Variants in BRIP1 observed in about 807,000 individuals in gnomAD.
BRIP1 encodes the protein Fanconi anemia group J protein.
BRIP1 carries 88 observed loss-of-function variants against 119.7 expected under a neutral mutation model. That is an observed-to-expected ratio of 0.74 (90% CI 0.62 to 0.88). The LOEUF (loss-of-function observed/expected upper bound fraction) is 0.88, where lower values mean the gene tolerates loss of function less well. Among genes scored for constraint, BRIP1 ranks in the 40% least tolerant of loss-of-function variants. The probability of loss-of-function intolerance (pLI) is 0.00; values close to 1 mark genes in which losing one functional copy is unlikely to be tolerated. For synonymous variants in BRIP1, 443 were observed against 496.5 expected (o/e 0.89, Z 1.43); for missense variants, 1,259 against 1,455.4 (o/e 0.87, Z 2.20).
intron 16 of BRIP1, among the ~76,000 whole-genome samples, chr17:61,728,524 T>A (rs1451237337): frequency 6.6e-6 from 1 of 152,154 alleles, no homozygotes; most frequent in Non-Finnish European, 1.5e-5. Flanking sequence ...CAAACCAACG[T>A]ATCCACAGAG....
rs2076895279 is a variant in BRIP1 at position 61,734,739 on chromosome 17, T to A, written c.2379+8274A>T. Among the ~76,000 whole-genome samples the A allele has an allele frequency of 6.6e-6, 1 of 152,230 alleles. No homozygotes were observed. The highest frequency in any genetic ancestry group is 2.4e-5 in the African/African-American group (1 of 41,466). Reference sequence around the variant, plus strand: ...TTCTTCTCAAAAAGCCAAACCCTGCTATTGAGACTGCAAAGTCTTATGTTA... The same window carrying A: ...TTCTTCTCAAAAAGCCAAACCCTGCAATTGAGACTGCAAAGTCTTATGTTA... On this transcript the variant is annotated intron_variant, in intron 16 of 19. Transcript: ENST00000259008. This position sits in a 1 kb window ranked among gnomAD's most constrained non-coding sequence, Gnocchi z 5.2.
chr17:61,683,144 CA>C lies in BRIP1; in HGVS notation c.*151del. ...AGACTCTGTCTCAAAAAAAAAAACC[CA>C]AAAACTCAAGAATAATAACATTTAC... On this transcript the variant is annotated 3_prime_UTR_variant, in exon 20 of 20. Transcript: ENST00000259008. The surrounding 1 kb of genome is among the most constrained non-coding windows in gnomAD (Gnocchi z 4.7). The C allele has an allele frequency of 3.9e-6, 4 of 1,028,184 alleles. No homozygotes were observed. Among genetic ancestry groups the C allele is most frequent in the East Asian group, 2.6e-5 (1 of 38,136 alleles). 63.7% of individuals were successfully genotyped at this position (1,028,184 alleles called of 1,614,324 possible). A position where few individuals can be genotyped will look rare whatever the true frequency, so the allele number is the denominator to read the frequency against.
In BRIP1 at chr17:61,681,996, G is replaced by A. The variant is rs1373252824; in HGVS notation, c.*1300C>T. On this transcript the variant is annotated 3_prime_UTR_variant, in exon 20 of 20. Transcript: ENST00000259008. This position sits in a 1 kb window ranked among gnomAD's most constrained non-coding sequence, Gnocchi z 5.1. ...GTGAATAACAGATGTTTCTTAAAAA[G>A]AGATCAATGAATGTATTTTTGGAAT... is the stretch of plus-strand genomic sequence containing the variant. 1.0e-5 allele frequency: 2 copies of A among 200,920 alleles called. No homozygotes were observed. The highest frequency in any genetic ancestry group is 1.6e-4 in the East Asian group (2 of 12,862). 12.4% of individuals were successfully genotyped at this position (200,920 alleles called of 1,614,324 possible).
rs1555607022 is a variant in BRIP1, at chr17:61,799,099, C to T, written c.1340+1G>A. ...ATACACTAATAGACAAATCTTCTTACTTAATGAGGCTACAGCACACAGCTC... is the reference window on the plus strand; with the variant it reads ...ATACACTAATAGACAAATCTTCTTATTTAATGAGGCTACAGCACACAGCTC... On this transcript the variant is annotated splice_donor_variant, in intron 9 of 19. Transcript: ENST00000259008. LOFTEE classifies it high-confidence loss of function. This position sits in a 1 kb window ranked among gnomAD's most constrained non-coding sequence, Gnocchi z 5.1. 6.2e-7 allele frequency: 1 copy of T among 1,610,812 alleles called. No individual in the cohort carries two copies. Among genetic ancestry groups the T allele is most frequent in the Non-Finnish European group, 8.5e-7 (1 of 1,177,118 alleles).
intron 17 of BRIP1, among the ~76,000 whole-genome samples, chr17:61,715,135 G>A (rs2061840210): frequency 6.6e-6 from 1 of 151,494 alleles, no homozygotes; most frequent in African/African-American, 2.4e-5. Flanking sequence ...GGGCGGTGGA[G>A]GATGCAGTGA....
chr17:61,718,919 T>C (rs2061926016), intron 16 of BRIP1, among the ~76,000 whole-genome samples: 2 of 152,232 alleles, frequency 1.3e-5, no homozygotes, highest in Non-Finnish European at 2.9e-5. Flanking sequence ...TGGATTACTT[T>C]AATAGCTAAT....
At chr17:61,782,066 G>A (rs1435173340) in intron 11 of BRIP1, among the ~76,000 whole-genome samples, 1 of 152,006 alleles carries the variant, frequency 6.6e-6, no homozygotes, top group African/African-American at 2.4e-5. Flanking sequence ...TAAAAATACT[G>A]GGAGCCAAAA....
chr17:61,813,485 C>A (rs1012431779), intron 6 of BRIP1, among the ~76,000 whole-genome samples: 24 of 151,970 alleles, frequency 1.6e-4, no homozygotes, highest in African/African-American at 5.8e-4. Context: ...CCATGCATTA[C>A]AATTAAATCT....
intron 17 of BRIP1, among the ~76,000 whole-genome samples, chr17:61,714,027 C>T (rs2378884): frequency 0.77 from 117,436 of 151,960 alleles, 45,990 homozygotes; most frequent in African/African-American, 0.84. Context: ...AAAGTTACAG[C>T]AAGCTGGGCA....
At position 61,803,574 on chromosome 17, in the gene BRIP1, G is replaced by T. The variant is rs2078028262; in HGVS notation, c.919-2100C>A. The stretch of plus-strand genomic sequence containing the variant: ...AAAAAATTAAACCGCAGTGAGCAGT[G>T]ACCACGCCACTGCACTCCAGCCTGG... On this transcript the variant is annotated intron_variant, in intron 7 of 19. Coordinates refer to ENST00000259008, the MANE Select transcript of BRIP1 (RefSeq NM_032043.3). This position sits in a 1 kb window ranked among gnomAD's most constrained non-coding sequence, Gnocchi z 4.3. Among the ~76,000 whole-genome samples, 1 of 151,918 alleles carries T rather than the reference G, an allele frequency of 6.6e-6. No individual in the cohort carries two copies.
Position 61,849,264 on chromosome 17 carries a change from A to G in BRIP1, c.380-8T>C. On this transcript the variant is annotated splice_region_variant and splice_polypyrimidine_tract_variant and intron_variant, in intron 4 of 19. Coordinates refer to ENST00000259008, the MANE Select transcript of BRIP1 (RefSeq NM_032043.3). ...TGGTTTTTTCAGGGGAGTCTTATATAAGTAATTTAAAAAAAACAGCATAAA... is the reference window on the plus strand; with the variant it reads ...TGGTTTTTTCAGGGGAGTCTTATATGAGTAATTTAAAAAAAACAGCATAAA... 4 of 1,606,702 alleles carry G rather than the reference A, an allele frequency of 2.5e-6. No individual in the cohort carries two copies. The highest frequency in any genetic ancestry group is 3.4e-6 in the Non-Finnish European group (4 of 1,177,094).
In BRIP1 at chr17:61,739,180, A is replaced by G. The variant is rs537264791; in HGVS notation, c.2379+3833T>C. ...TAGTGCAATAATGTAGAGCTAGAGT[A>G]AAATGATAAGACATTAAAAGGAGAC... On this transcript the variant is annotated intron_variant, in intron 16 of 19. Coordinates refer to ENST00000259008, the MANE Select transcript of BRIP1 (RefSeq NM_032043.3). This position sits in a 1 kb window ranked among gnomAD's most constrained non-coding sequence, Gnocchi z 6.0. The G allele has an allele frequency of 1.1e-5, 2 of 184,044 alleles. No individual in the cohort carries two copies. Among genetic ancestry groups the G allele is most frequent in the African/African-American group, 4.7e-5 (2 of 42,660 alleles). 11.4% of individuals were successfully genotyped at this position (184,044 alleles called of 1,614,324 possible). A position where few individuals can be genotyped will look rare whatever the true frequency, so the allele number is the denominator to read the frequency against.
rs1197063496 is a variant in BRIP1 at position 61,787,053 on chromosome 17, A to G, written c.1474-2629T>C. Among the ~76,000 whole-genome samples the G allele has an allele frequency of 2.6e-5, 3 of 115,936 alleles. No individual in the cohort carries two copies. The South Asian group carries it at 7.5e-4, about 29-fold the overall frequency. The allele number at this position is 115,936 out of a possible 152,430, so 76.1% of individuals were successfully genotyped here. On this transcript the variant is annotated intron_variant, in intron 10 of 19. Transcript: ENST00000259008. ...AAATAAATTTATATAAATTTATATA[A>G]ATTTATAAATATAATTATATATAAA...
rs1272150202 is a variant in BRIP1, at chr17:61,857,555, C to G, written c.206-324G>C. Among the ~76,000 whole-genome samples, 2 of 152,142 alleles carry G rather than the reference C, an allele frequency of 1.3e-5. No individual in the cohort carries two copies. Among genetic ancestry groups the G allele is most frequent in the African/African-American group, 2.4e-5 (1 of 41,436 alleles). Reference sequence around the variant, plus strand: ...CCTGGCCAATATGGTAAAACCCTGTCTCTACTAAAAATACAAAAATTAGCC... The same window carrying G: ...CCTGGCCAATATGGTAAAACCCTGTGTCTACTAAAAATACAAAAATTAGCC... On this transcript the variant is annotated intron_variant, in intron 3 of 19. Transcript: ENST00000259008. This position sits in a 1 kb window ranked among gnomAD's most constrained non-coding sequence, Gnocchi z 5.1.
rs1603364577 is a variant in BRIP1, at chr17:61,853,279, C to A, written c.379+3779G>T. On this transcript the variant is annotated intron_variant, in intron 4 of 19. Coordinates refer to ENST00000259008, the MANE Select transcript of BRIP1 (RefSeq NM_032043.3). This position sits in a 1 kb window ranked among gnomAD's most constrained non-coding sequence, Gnocchi z 4.3. ...GTTTCACTCTATTTCTGTAAAAAGG[C>A]AAAACTCATCAATGGTCACAGGAGG... Among the ~76,000 whole-genome samples the A allele has an allele frequency of 6.7e-6, 1 of 149,498 alleles. No homozygotes were observed. The highest frequency in any genetic ancestry group is 2.0e-4 in the East Asian group (1 of 5,128).
chr17:61,835,626 G>A (rs1359835256), intron 6 of BRIP1, among the ~76,000 whole-genome samples: 1 of 151,528 alleles, frequency 6.6e-6, no homozygotes, highest in Non-Finnish European at 1.5e-5. Context: ...ATAGAATTAG[G>A]GCAGGGGTCT....
At position 61,683,929 on chromosome 17, in the gene BRIP1, C is replaced by T. The variant is rs769310105; in HGVS notation, c.3117G>A (p.Glu1039=). ...SASSPPRFKT[E]KMESKTVLPF... is the part of the protein sequence containing the mutation. ...GCAAAACAGTTTTACTTTCCATCTTCTCTGTTTTGAAACGGGGAGGACTAG... is the reference window on the plus strand; with the variant it reads ...GCAAAACAGTTTTACTTTCCATCTTTTCTGTTTTGAAACGGGGAGGACTAG... The change falls in exon 20 of 20, where the codon GAG becomes GAA. Residue 1039 remains glutamate (E), a synonymous_variant. Transcript: ENST00000259008. The surrounding 1 kb of genome is among the most constrained non-coding windows in gnomAD (Gnocchi z 4.7). The T allele has an allele frequency of 8.7e-6, 14 of 1,614,162 alleles. No homozygotes were observed. Among genetic ancestry groups the T allele is most frequent in the Non-Finnish European group, 1.2e-5 (14 of 1,180,036 alleles).
Position 61,708,774 on chromosome 17 carries a change from C to CT in BRIP1, c.2492+7176dup, listed in dbSNP as rs2061730988. ...TAGAGCTTATAGGCTGGGAAGTTTG[C>CT]TATAGGGTAATTTGGCAGGAACTGG... On this transcript the variant is annotated intron_variant, in intron 17 of 19. Transcript: ENST00000259008. This position sits in a 1 kb window ranked among gnomAD's most constrained non-coding sequence, Gnocchi z 4.4. 6.6e-6 allele frequency among the ~76,000 whole-genome samples: 1 copy of CT among 152,180 alleles called. No homozygotes were observed. Among genetic ancestry groups the CT allele is most frequent in the Non-Finnish European group, 1.5e-5 (1 of 68,014 alleles).
rs1369511776 is a variant in BRIP1, at chr17:61,806,001, T to C, written c.918+2466A>G. ...AATTAACTTTTAACAGATAAGTGCATACTTTTCCAGTATAAGGGCACTTTA... is the reference window on the plus strand; with the variant it reads ...AATTAACTTTTAACAGATAAGTGCACACTTTTCCAGTATAAGGGCACTTTA... On this transcript the variant is annotated intron_variant, in intron 7 of 19. Coordinates refer to ENST00000259008, the MANE Select transcript of BRIP1 (RefSeq NM_032043.3). The surrounding 1 kb of genome is among the most constrained non-coding windows in gnomAD (Gnocchi z 4.9). 6.6e-6 allele frequency among the ~76,000 whole-genome samples: 1 copy of C among 152,250 alleles called. No individual in the cohort carries two copies. The highest frequency in any genetic ancestry group is 2.4e-5 in the African/African-American group (1 of 41,460).
Sources: gnomAD v4.1 joint callset for allele counts (sites outside exome capture counted in the v4.1 genomes callset) on GRCh38, gnomAD v4.1.1 for gene constraint, Gnocchi (gnomAD v3.1) non-coding constraint, MANE v1.5 for transcripts, NCBI Gene and HGNC (gene_info 2026-07-23, HGNC 2026-07-21) for gene names.